The following ABLIM3 variants were observed in gnomAD, a reference collection of about 807,000 sequenced individuals.
ABLIM3 encodes actin-binding LIM protein 3.
ABLIM3 carries 61 observed loss-of-function variants against 109.5 expected under a neutral mutation model. That is an observed-to-expected ratio of 0.56 (90% confidence interval 0.45 to 0.69). The LOEUF (loss-of-function observed/expected upper bound fraction) is 0.69, where lower values mean the gene tolerates loss of function less well. Among genes scored for constraint, ABLIM3 ranks in the 30% least tolerant of loss-of-function variants. The probability of loss-of-function intolerance (pLI) is 0.00; values close to 1 mark genes in which losing one functional copy is unlikely to be tolerated. For missense variants in ABLIM3, 796 were observed against 889.5 expected, an observed-to-expected ratio of 0.89 and a Z score of 1.34; for synonymous variants, 300 against 324.8, an observed-to-expected ratio of 0.92 and a Z score of 0.82.
At chr5:149,181,913 G>C (rs977859506) in intron 2 of ABLIM3, among the ~76,000 whole-genome samples, 8 of 152,284 alleles carry the variant, frequency 5.3e-5, no homozygotes, top group East Asian at 1.9e-4. Flanking sequence ...CCGGATCCAA[G>C]CTGATGCATC....
chr5:149,192,637 G>GA (rs767252934), intron 3 of ABLIM3, among the ~76,000 whole-genome samples: 199 of 101,186 alleles, frequency 2.0e-3, no homozygotes, highest in Middle Eastern at 0.011. Context: ...AAAAAAAAAA[G>GA]AAAAAAAAAA....
chr5:149,207,044 A>T lies in ABLIM3; in HGVS notation c.485A>T (p.Gln162Leu), dbSNP rs372539197. 31 of 1,613,876 alleles carry T rather than the reference A, an allele frequency of 1.9e-5. No individual in the cohort carries two copies. Among genetic ancestry groups the T allele is most frequent in the Non-Finnish European group, 2.5e-5 (30 of 1,179,966 alleles). The change falls in exon 6 of 24, where the codon CAG (glutamine) becomes CTG (leucine). Residue 162 changes from glutamine (Q) to leucine (L), a missense_variant. Gln to Leu is a moderately radical substitution (Grantham distance 113). Transcript: ENST00000309868. ...AGCKEEIKHG[Q>L]SLLALDKQWH... ...TGCAAGGAGGAGATCAAGCACGGCC[A>T]GTCACTCCTGGCTCTGGACAAGCAG...
chr5:149,231,264 C>T (rs866416668), intron 9 of ABLIM3, among the ~76,000 whole-genome samples: 3 of 152,222 alleles, frequency 2.0e-5, no homozygotes, highest in African/African-American at 7.2e-5. Flanking sequence ...AGCTGAGGTC[C>T]TGTGTCCCTC....
chr5:149,208,350 GTCTCTCTCTCTCTCTC>G (rs10564662), intron 6 of ABLIM3, among the ~76,000 whole-genome samples: 1 of 132,198 alleles, frequency 7.6e-6, no homozygotes, highest in African/African-American at 2.9e-5. Flanking sequence ...CTATCTTTTT[GTCTCTCTCTCTCTCTC>G]TCTCTCTCTC....
chr5:149,252,872 T>G, intron 23 of ABLIM3, 35 bp downstream of exon 23: 109 of 1,559,300 alleles, frequency 7.0e-5, no homozygotes, highest in Non-Finnish European at 9.2e-5. Flanking sequence ...GCTCTTGGGT[T>G]GGAAGAAATT....
chr5:149,175,108 G>A (rs1378344648), intron 2 of ABLIM3, among the ~76,000 whole-genome samples: 2 of 152,202 alleles, frequency 1.3e-5, no homozygotes, highest in Admixed American at 1.3e-4. Flanking sequence ...TGGAAAAAAT[G>A]CCCAGACTGG....
chr5:149,242,104 T>A (rs921805914), intron 14 of ABLIM3, among the ~76,000 whole-genome samples: 1 of 152,138 alleles, frequency 6.6e-6, no homozygotes, highest in East Asian at 1.9e-4. Flanking sequence ...TAAGCTGAAA[T>A]TCGGCTGCAG....
chr5:149,200,282 G>A (rs745777765), intron 4 of ABLIM3, 34 bp from the exon 5 acceptor site: 14 of 1,579,234 alleles, frequency 8.9e-6, no homozygotes, highest in Non-Finnish European at 1.1e-5. Context: ...CTCAGAAGAG[G>A]GTGTGTTGAA....
intron 7 of ABLIM3, 53 bp downstream of exon 7, chr5:149,210,872 A>AAAAGTCATCACAGAAGAAGGAG: frequency 6.6e-7 from 1 of 1,521,374 alleles, no homozygotes; most frequent in South Asian, 1.1e-5. Context: ...TGTGCCTCCA[A>AAAAGTCATCACAGAAGAAGGAG]AAAGTCATCA....
At chr5:149,197,166 ATCT>A (rs1322322678) in intron 3 of ABLIM3, among the ~76,000 whole-genome samples, 3 of 152,184 alleles carry the variant, frequency 2.0e-5, no homozygotes, top group East Asian at 3.8e-4. Flanking sequence ...ACAAAACCTA[ATCT>A]TCTTAAACTG....
intron 3 of ABLIM3, among the ~76,000 whole-genome samples, chr5:149,195,720 G>A (rs1757903799): frequency 1.3e-5 from 2 of 152,206 alleles, no homozygotes; most frequent in Admixed American, 6.5e-5. Flanking sequence ...TCCACCACCT[G>A]CACGGCCCAG....
intron 8 of ABLIM3, among the ~76,000 whole-genome samples, chr5:149,226,548 C>T (rs1165469869): frequency 6.6e-6 from 1 of 152,102 alleles, no homozygotes; most frequent in Admixed American, 6.5e-5. Flanking sequence ...GGGTCAAGGC[C>T]AAAAACTCCA....
chr5:149,150,740 GT>G (rs1231641081), intron 2 of ABLIM3, among the ~76,000 whole-genome samples: 1 of 152,160 alleles, frequency 6.6e-6, no homozygotes, highest in Non-Finnish European at 1.5e-5. Context: ...GACTTTCTGG[GT>G]ATTTTGCCAG....
chr5:149,247,656 G>T (rs1334451347), intron 17 of ABLIM3, 126 bp from the exon 18 acceptor site: 12 of 1,236,064 alleles, frequency 9.7e-6, no homozygotes, highest in Non-Finnish European at 1.4e-5. Flanking sequence ...TGGGAGGGAC[G>T]CTGGGAAGGC....
chr5:149,191,352 T>C (rs891667949), intron 3 of ABLIM3, among the ~76,000 whole-genome samples: 24 of 152,162 alleles, frequency 1.6e-4, no homozygotes, highest in African/African-American at 5.8e-4. Context: ...AATTCTTGAG[T>C]GCAAATTAAA....
At chr5:149,217,199 G>A in intron 8 of ABLIM3, 153 bp downstream of exon 8, 1 of 711,258 alleles carries the variant, frequency 1.4e-6, no homozygotes. Flanking sequence ...GCCCCTCTCT[G>A]GGTGGATTGG....
chr5:149,233,957 T>C (rs1346605971), intron 10 of ABLIM3, among the ~76,000 whole-genome samples: 2 of 152,210 alleles, frequency 1.3e-5, no homozygotes, highest in Non-Finnish European at 2.9e-5. Context: ...CCCTTGTATA[T>C]GTCATTCATT....
chr5:149,210,846 A>T (rs1181242168), intron 7 of ABLIM3, 27 bp downstream of exon 7: 4 of 1,604,848 alleles, frequency 2.5e-6, no homozygotes, highest in East Asian at 2.2e-5. Flanking sequence ...AACCGTGAAG[A>T]TGTGGCAGGG....
In ABLIM3 at chr5:149,210,838, C is replaced by A. The variant is rs766683714; in HGVS notation, c.669+19C>A. On this transcript the variant is annotated intron_variant, in intron 7 of 23. Coordinates refer to ENST00000309868, the MANE Select transcript of ABLIM3 (RefSeq NM_014945.5). ...CTTGGAGGTGAGTGGGTATAAGTAACCGTGAAGATGTGGCAGGGTGATCTG... is the reference window on the plus strand; with the variant it reads ...CTTGGAGGTGAGTGGGTATAAGTAAACGTGAAGATGTGGCAGGGTGATCTG... The A allele has an allele frequency of 7.5e-6, 12 of 1,609,014 alleles. No individual in the cohort carries two copies. The highest frequency in any genetic ancestry group is 5.1e-6 in the Non-Finnish European group (6 of 1,175,550).
Sources: gnomAD v4.1 joint callset for allele counts (sites outside exome capture counted in the v4.1 genomes callset) on GRCh38, gnomAD v4.1.1 for gene constraint, MANE v1.5 for transcripts, NCBI Gene and HGNC (gene_info 2026-07-23, HGNC 2026-07-21) for gene names.